RNF180: variants seen among roughly 807,000 people sequenced by gnomAD.
RNF180 encodes the protein E3 ubiquitin-protein ligase RNF180.
RNF180 carries 38 observed loss-of-function variants against 59.2 expected under a neutral mutation model. The ratio of observed to expected loss-of-function variants is 0.64; its 90% CI spans 0.50 to 0.84. RNF180 has a LOEUF of 0.84. Among genes scored for constraint, RNF180 ranks in the 40% least tolerant of loss-of-function variants. The pLI, the probability that RNF180 is intolerant of heterozygous loss-of-function variation, is 0.00. For missense variants in RNF180, 705 were observed against 700.9 expected (o/e 1.01, Z -0.07); for synonymous variants, 262 against 240.3 (o/e 1.09, Z -0.84).
chr5:64,289,687 T>TGTGCA (rs1742471973), intron 5 of RNF180, among the ~76,000 whole-genome samples: 1 of 152,188 alleles, frequency 6.6e-6, no homozygotes, highest in Non-Finnish European at 1.5e-5. Context: ...TAGAGGTATT[T>TGTGCA]ATAGTATTCT....
chr5:64,304,843 A>G (rs921774927), intron 5 of RNF180, among the ~76,000 whole-genome samples: 2 of 151,670 alleles, frequency 1.3e-5, no homozygotes, highest in South Asian at 4.1e-4. Flanking sequence ...ACAGCATTGC[A>G]TGCTACAGAT....
rs1052958898 is a variant in RNF180, at chr5:64,346,450, A to ACCTCC, written c.1579+16045_1579+16049dup. On this transcript the variant is annotated intron_variant, in intron 7 of 7. Coordinates refer to ENST00000389100, the MANE Select transcript of RNF180 (RefSeq NM_001113561.2). ...AGTAGCACAATCTCGGCTCACTGCAACCTCCACCTCCCAGGTTCAAGTAAT... is the reference window on the plus strand; with the variant it reads ...AGTAGCACAATCTCGGCTCACTGCAACCTCCCCTCCACCTCCCAGGTTCAAGTAAT... Among the ~76,000 whole-genome samples the ACCTCC allele has an allele frequency of 1.7e-4, 24 of 139,196 alleles. No homozygotes were observed. The East Asian group carries it at 4.8e-3, about 28-fold the overall frequency. The allele number at this position is 139,196 out of a possible 152,430, so 91.3% of individuals were successfully genotyped here.
intron 2 of RNF180, among the ~76,000 whole-genome samples, chr5:64,208,119 A>G (rs964433006): frequency 6.6e-6 from 1 of 152,126 alleles, no homozygotes; most frequent in Non-Finnish European, 1.5e-5. Flanking sequence ...TTTCTGTTAT[A>G]GAAACTGAGA....
chr5:64,242,837 A>T (rs1393813055), intron 5 of RNF180, among the ~76,000 whole-genome samples: 1 of 152,222 alleles, frequency 6.6e-6, no homozygotes, highest in African/African-American at 2.4e-5. Flanking sequence ...TGCAGCTCCC[A>T]ATAAGATGAA....
At chr5:64,223,669 T>G (rs545762039) in intron 5 of RNF180, among the ~76,000 whole-genome samples, 1 of 152,162 alleles carries the variant, frequency 6.6e-6, no homozygotes, top group East Asian at 1.9e-4. Flanking sequence ...AAAGTTTTTC[T>G]CCCACATATT....
chr5:64,214,278 T>G lies in RNF180; in HGVS notation c.952T>G (p.Ser318Ala). The G allele has an allele frequency of 6.2e-7, 1 of 1,614,034 alleles. No individual in the cohort carries two copies. Among genetic ancestry groups the G allele is most frequent in the South Asian group, 1.1e-5 (1 of 91,080 alleles). ...GEFQCGLEAA[S>A]VYSDHTNTNN... ...ATTTCAGTGTGGTCTAGAAGCTGCTTCAGTGTATTCTGACCATACTAATAC... is the reference window on the plus strand; with the variant it reads ...ATTTCAGTGTGGTCTAGAAGCTGCTGCAGTGTATTCTGACCATACTAATAC... The change falls in exon 4 of 8, where the codon TCA (serine) becomes GCA (alanine). Residue 318 changes from serine (S) to alanine (A), a missense_variant. Ser to Ala is a moderately conservative substitution (Grantham distance 99). Transcript: ENST00000389100.
chr5:64,253,902 T>C (rs1340462284), intron 5 of RNF180, among the ~76,000 whole-genome samples: 1 of 152,108 alleles, frequency 6.6e-6, no homozygotes, highest in Non-Finnish European at 1.5e-5. Flanking sequence ...GAACATTATC[T>C]TGCATATAGT....
intron 5 of RNF180, among the ~76,000 whole-genome samples, chr5:64,321,002 C>T (rs1315211804): frequency 6.6e-6 from 1 of 151,904 alleles, no homozygotes; most frequent in Non-Finnish European, 1.5e-5. Flanking sequence ...CGCGCCACTG[C>T]ACTCTAACCT....
In RNF180 at chr5:64,246,738, G is replaced by A. The variant is rs192762239; in HGVS notation, c.1227+29342G>A. Among the ~76,000 whole-genome samples the A allele has an allele frequency of 3.3e-3, 502 of 152,214 alleles. 4 individuals carry two copies. The highest frequency in any genetic ancestry group is 1.0e-2 in the South Asian group (48 of 4,816). Reference sequence around the variant, plus strand: ...ACTATTCCAAACAATAGAAAAAGAGGGATTCCTCCCAAACTCATTTTATGG... The same window carrying A: ...ACTATTCCAAACAATAGAAAAAGAGAGATTCCTCCCAAACTCATTTTATGG... On this transcript the variant is annotated intron_variant, in intron 5 of 7. Coordinates refer to ENST00000389100, the MANE Select transcript of RNF180 (RefSeq NM_001113561.2).
intron 7 of RNF180, among the ~76,000 whole-genome samples, chr5:64,365,663 C>A (rs1268251084): frequency 6.6e-6 from 1 of 151,656 alleles, no homozygotes; most frequent in Non-Finnish European, 1.5e-5. Context: ...TCTGGGTGCT[C>A]TTGTGTTGGG....
intron 5 of RNF180, among the ~76,000 whole-genome samples, chr5:64,285,588 A>G (rs773566742): frequency 1.5e-4 from 23 of 152,140 alleles, no homozygotes; most frequent in Non-Finnish European, 3.4e-4. Context: ...GCACTCTGCC[A>G]GTGAAAGAGC....
chr5:64,326,033 C>A (rs989412452), intron 6 of RNF180, among the ~76,000 whole-genome samples: 2 of 152,104 alleles, frequency 1.3e-5, no homozygotes, highest in African/African-American at 4.8e-5. Context: ...ATAGAATTCA[C>A]TACTAGGTGC....
chr5:64,301,092 A>G (rs1580208621), intron 5 of RNF180, among the ~76,000 whole-genome samples: 1 of 68,356 alleles, frequency 1.5e-5, no homozygotes, highest in Admixed American at 1.2e-4. Flanking sequence ...ACAGTACTGT[A>G]ATATACACTG....
intron 5 of RNF180, among the ~76,000 whole-genome samples, chr5:64,230,203 G>A (rs981316377): frequency 2.6e-5 from 4 of 152,176 alleles, no homozygotes; most frequent in Non-Finnish European, 5.9e-5. Context: ...GAAGGTACTA[G>A]CACTCTCTGT....
intron 7 of RNF180, among the ~76,000 whole-genome samples, chr5:64,338,359 G>A (rs1487774021): frequency 1.3e-5 from 2 of 152,170 alleles, no homozygotes; most frequent in African/African-American, 4.8e-5. Context: ...TTTTGGCTGG[G>A]CGCAGTGGCT....
At chr5:64,343,075 T>C (rs936041744) in intron 7 of RNF180, among the ~76,000 whole-genome samples, 1 of 152,046 alleles carries the variant, frequency 6.6e-6, no homozygotes, top group Non-Finnish European at 1.5e-5. Context: ...CCATGGATCT[T>C]TCATACAATA....
intron 2 of RNF180, among the ~76,000 whole-genome samples, chr5:64,210,585 A>C (rs2112101832): frequency 6.6e-6 from 1 of 152,270 alleles, no homozygotes; most frequent in Admixed American, 6.5e-5. Flanking sequence ...TGGAGATAGA[A>C]TGTGACTTAA....
chr5:64,343,214 A>G (rs1209239711), intron 7 of RNF180, among the ~76,000 whole-genome samples: 1 of 152,144 alleles, frequency 6.6e-6, no homozygotes, highest in Non-Finnish European at 1.5e-5. Flanking sequence ...ATCCATTAGG[A>G]AAAAAGTGTT....
intron 5 of RNF180, among the ~76,000 whole-genome samples, chr5:64,292,365 G>A (rs542003876): frequency 6.6e-6 from 1 of 152,228 alleles, no homozygotes; most frequent in South Asian, 2.1e-4. Flanking sequence ...TAACAACCAG[G>A]CCATTATTTT....
Sources: gnomAD v4.1 joint callset for allele counts (sites outside exome capture counted in the v4.1 genomes callset) on GRCh38, gnomAD v4.1.1 for gene constraint, MANE v1.5 for transcripts, NCBI Gene and HGNC (gene_info 2026-07-23, HGNC 2026-07-21) for gene names.